Variants in TMEM9B observed in about 807,000 individuals in gnomAD.
The protein encoded by TMEM9B is transmembrane protein 9B.
Under a neutral mutation model 23.5 loss-of-function variants are expected in TMEM9B, and 8 were observed. The observed-to-expected ratio is 0.34, with a 90% CI of 0.20 to 0.61. The LOEUF (loss-of-function observed/expected upper bound fraction) is 0.61. TMEM9B is among the 20% of genes least tolerant of loss of function. The probability of loss-of-function intolerance (pLI) is 0.78; values close to 1 mark genes in which losing one functional copy is unlikely to be tolerated. For synonymous variants in TMEM9B, 106 were observed against 96.3 expected, an observed-to-expected ratio of 1.10 and a Z score of -0.59; for missense variants, 197 against 252.3, an observed-to-expected ratio of 0.78 and a Z score of 1.49.
At chr11:8,959,295 C>G (rs1433348174) in intron 2 of TMEM9B, among the ~76,000 whole-genome samples, 2 of 152,264 alleles carry the variant, frequency 1.3e-5, no homozygotes, top group East Asian at 3.9e-4. Context: ...AAAAATTAGC[C>G]AGGTTGATGG....
At chr11:8,960,883 C>T (rs1854067788) in intron 2 of TMEM9B, among the ~76,000 whole-genome samples, 2 of 152,092 alleles carry the variant, frequency 1.3e-5, no homozygotes, top group Admixed American at 1.3e-4. Flanking sequence ...CAGGGTTTCA[C>T]TCTGTTGGCC....
At chr11:8,955,242 A>G (rs1379231467) in intron 3 of TMEM9B, among the ~76,000 whole-genome samples, 1 of 152,114 alleles carries the variant, frequency 6.6e-6, no homozygotes, top group African/African-American at 2.4e-5. Flanking sequence ...AGAGTGATCT[A>G]CATCCCATTT....
At chr11:8,964,570 G>A, upstream of TMEM9B, 3 of 994,712 alleles carry the variant, frequency 3.0e-6, no homozygotes, top group Non-Finnish European at 4.1e-6. Context: ...CCCCGGCCCC[G>A]GGACGGAAGG....
Position 8,964,377 on chromosome 11 carries a change from G to GCTCAGA in TMEM9B, c.-65_-64insTCTGAG. ...CGACCGGCTCCCGGCTCGGGCTCAG[G>GCTCAGA]CTCAGGCTCAGGCTCAGGCACAGGC... On this transcript the variant is annotated 5_prime_UTR_variant, in exon 1 of 5. Transcript: ENST00000534025. The GCTCAGA allele has an allele frequency of 6.6e-7, 1 of 1,506,704 alleles. No individual in the cohort carries two copies. Among genetic ancestry groups the GCTCAGA allele is most frequent in the Non-Finnish European group, 8.8e-7 (1 of 1,131,008 alleles). 93.3% of individuals were successfully genotyped at this position (1,506,704 alleles called of 1,614,324 possible).
At chr11:8,953,129 A>G (rs1853913797) in intron 4 of TMEM9B, 74 bp downstream of exon 4, 2 of 1,587,974 alleles carry the variant, frequency 1.3e-6, no homozygotes, top group South Asian at 1.1e-5. Context: ...ATATATGACT[A>G]TTTTTCACTT....
chr11:8,949,820 T>G (rs951781211), intron 4 of TMEM9B, among the ~76,000 whole-genome samples: 1 of 152,034 alleles, frequency 6.6e-6, no homozygotes, highest in East Asian at 1.9e-4. Flanking sequence ...TCAAGTTATT[T>G]AAAAAGTGGA....
intron 2 of TMEM9B, among the ~76,000 whole-genome samples, chr11:8,959,482 G>A (rs941384173): frequency 2.0e-5 from 3 of 152,148 alleles, no homozygotes; most frequent in Non-Finnish European, 2.9e-5. Context: ...TCTGAACCTC[G>A]GGAAAATGAA....
At chr11:8,952,280 G>A (rs55691931) in intron 4 of TMEM9B, among the ~76,000 whole-genome samples, 6,084 of 30,790 alleles carry the variant, frequency 0.2, 215 homozygotes, top group Admixed American at 0.36. Flanking sequence ...ACACACACAC[G>A]CTATATATAT....
At chr11:8,960,473 C>G (rs1393874333) in intron 2 of TMEM9B, among the ~76,000 whole-genome samples, 5 of 151,940 alleles carry the variant, frequency 3.3e-5, no homozygotes, top group Non-Finnish European at 2.9e-5. Context: ...GCTATTTTTA[C>G]TAATAACCAG....
Position 8,953,229 on chromosome 11 carries a change from A to G in TMEM9B, c.415T>C (p.Leu139=), listed in dbSNP as rs1853915413. The change falls in exon 4 of 5, where the codon TTG becomes CTG. Residue 139 remains leucine (L), a synonymous_variant. Coordinates refer to ENST00000534025, the MANE Select transcript of TMEM9B (RefSeq NM_020644.3). ...CCAATATCATCATCACTCTGTATCAACTGTGCATGTCCAAAGAGGCGCCTC... is the reference window on the plus strand; with the variant it reads ...CCAATATCATCATCACTCTGTATCAGCTGTGCATGTCCAAAGAGGCGCCTC... ...LKRRLFGHAQ[L]IQSDDDIGDH... 6.2e-7 allele frequency: 1 copy of G among 1,614,048 alleles called. No homozygotes were observed. Among genetic ancestry groups the G allele is most frequent in the African/African-American group, 1.3e-5 (1 of 74,912 alleles).
chr11:8,952,337 T>TGTGTGTGA (rs1249905826), intron 4 of TMEM9B, among the ~76,000 whole-genome samples: 5 of 150,540 alleles, frequency 3.3e-5, no homozygotes, highest in African/African-American at 4.9e-5. Context: ...TGTGTGTGTG[T>TGTGTGTGA]GAGAGATTTA....
At chr11:8,948,512 C>T (rs1227387607) in intron 4 of TMEM9B, 37 bp from the exon 5 acceptor site, 3 of 1,603,638 alleles carry the variant, frequency 1.9e-6, no homozygotes, top group South Asian at 1.1e-5. Context: ...AGAGATGGCA[C>T]AGTCAGTGTA....
rs1052999111 is a variant in TMEM9B, at chr11:8,948,114, G to A, written c.*206C>T. ...ACAAATAGGAAAAGACTTATTGGCT[G>A]ACTTTGAGCTGTGTGCTTTTAAAAA... On this transcript the variant is annotated 3_prime_UTR_variant, in exon 5 of 5. Coordinates refer to ENST00000534025, the MANE Select transcript of TMEM9B (RefSeq NM_020644.3). 2.0e-6 allele frequency: 1 copy of A among 503,332 alleles called. No homozygotes were observed. The highest frequency in any genetic ancestry group is 3.4e-6 in the Non-Finnish European group (1 of 293,038). 31.2% of individuals were successfully genotyped at this position (503,332 alleles called of 1,614,324 possible).
At chr11:8,964,621 A>C (rs1854166350), upstream of TMEM9B, 1 of 471,974 alleles carries the variant, frequency 2.1e-6, no homozygotes, top group Non-Finnish European at 3.4e-6. Flanking sequence ...AGAGCTTTGC[A>C]TCTCTTGGAT....
At chr11:8,952,251 C>T (rs11042136) in intron 4 of TMEM9B, among the ~76,000 whole-genome samples, 218 of 18,710 alleles carry the variant, frequency 0.012, 1 homozygote, top group Non-Finnish European at 0.032. Flanking sequence ...CAACTATATA[C>T]ACACACACAC....
In TMEM9B at chr11:8,964,405, G is replaced by T; in HGVS notation, c.-92C>A. On this transcript the variant is annotated 5_prime_UTR_variant, in exon 1 of 5. Coordinates refer to ENST00000534025, the MANE Select transcript of TMEM9B (RefSeq NM_020644.3). ...CAGGCTCAGGCTCAGGCACAGGCTTGGGACCCGGCTGGGGATCCTCCGCCC... is the reference window on the plus strand; with the variant it reads ...CAGGCTCAGGCTCAGGCACAGGCTTTGGACCCGGCTGGGGATCCTCCGCCC... 1 of 1,411,526 alleles carries T rather than the reference G, an allele frequency of 7.1e-7. No individual in the cohort carries two copies. Among genetic ancestry groups the T allele is most frequent in the Non-Finnish European group, 9.2e-7 (1 of 1,086,982 alleles). 87.4% of individuals were successfully genotyped at this position (1,411,526 alleles called of 1,614,324 possible). A position where few individuals can be genotyped will look rare whatever the true frequency, so the allele number is the denominator to read the frequency against.
rs1051622285 is a variant in TMEM9B, at chr11:8,957,750, A to C, written c.198-1452T>G. On this transcript the variant is annotated intron_variant, in intron 2 of 4. Transcript: ENST00000534025. This position sits in a 1 kb window ranked among gnomAD's most constrained non-coding sequence, Gnocchi z 4.3. ...GGAGGATTTTGAATATTTTCAACAC[A>C]AAGAAATGATAAATGTCTGAGATGC... Among the ~76,000 whole-genome samples, 10 of 152,258 alleles carry C rather than the reference A, an allele frequency of 6.6e-5. No individual in the cohort carries two copies. The highest frequency in any genetic ancestry group is 2.2e-4 in the African/African-American group (9 of 41,462).
Position 8,964,399 on chromosome 11 carries a change from A to G in TMEM9B, c.-86T>C. ...CAGGCTCAGGCTCAGGCTCAGGCAC[A>G]GGCTTGGGACCCGGCTGGGGATCCT... On this transcript the variant is annotated 5_prime_UTR_variant, in exon 1 of 5. Coordinates refer to ENST00000534025, the MANE Select transcript of TMEM9B (RefSeq NM_020644.3). 6.6e-7 allele frequency: 1 copy of G among 1,505,676 alleles called. No individual in the cohort carries two copies. The highest frequency in any genetic ancestry group is 8.8e-7 in the Non-Finnish European group (1 of 1,130,620). 93.3% of individuals were successfully genotyped at this position (1,505,676 alleles called of 1,614,324 possible).
intron 2 of TMEM9B, among the ~76,000 whole-genome samples, chr11:8,960,977 G>C (rs1410980041): frequency 6.6e-6 from 1 of 152,170 alleles, no homozygotes; most frequent in Non-Finnish European, 1.5e-5. Flanking sequence ...GAGCCACCGT[G>C]CCCGGCCTGA....
Sources: gnomAD v4.1 joint callset for allele counts (sites outside exome capture counted in the v4.1 genomes callset) on GRCh38, gnomAD v4.1.1 for gene constraint, Gnocchi (gnomAD v3.1) non-coding constraint, MANE v1.5 for transcripts, NCBI Gene and HGNC (gene_info 2026-07-23, HGNC 2026-07-21) for gene names.